ATP9B: variants seen among roughly 807,000 people sequenced by gnomAD.
The protein encoded by ATP9B is ATPase phospholipid transporting 9B.
ATP9B carries 110 observed loss-of-function variants against 146.1 expected under a neutral mutation model. The ratio of observed to expected loss-of-function variants is 0.75; its 90% confidence interval spans 0.65 to 0.88. ATP9B has a LOEUF of 0.88. Ranked by LOEUF, ATP9B falls within the 40% of genes least tolerant of loss-of-function variation. The pLI, the probability that ATP9B is intolerant of heterozygous loss-of-function variation, is 0.00. For missense variants in ATP9B, 1,499 were observed against 1,496.4 expected (o/e 1.00, Z -0.03); for synonymous variants, 604 against 569.7 (o/e 1.06, Z -0.86).
At chr18:79,268,040 A>C (rs1390773890) in intron 12 of ATP9B, among the ~76,000 whole-genome samples, 1 of 152,130 alleles carries the variant, frequency 6.6e-6, no homozygotes, top group Admixed American at 6.5e-5. Context: ...GATGCATACA[A>C]ATTTAAATTG....
intron 13 of ATP9B, among the ~76,000 whole-genome samples, chr18:79,280,525 G>A (rs2096365128): frequency 6.6e-6 from 1 of 152,146 alleles, no homozygotes; most frequent in Admixed American, 6.5e-5. Flanking sequence ...ATTGATACAG[G>A]GAGATATTGA....
intron 11 of ATP9B, among the ~76,000 whole-genome samples, chr18:79,236,547 G>T (rs567260758): frequency 6.6e-6 from 1 of 152,128 alleles, no homozygotes; most frequent in African/African-American, 2.4e-5. Flanking sequence ...GTCTTCTGAA[G>T]TTTTATTGTT....
At position 79,359,432 on chromosome 18, in the gene ATP9B, C is replaced by G. The variant is rs374540386; in HGVS notation, c.2982C>G (p.Leu994=). 1 of 1,613,904 alleles carries G rather than the reference C, an allele frequency of 6.2e-7. No homozygotes were observed. The highest frequency in any genetic ancestry group is 8.5e-7 in the Non-Finnish European group (1 of 1,179,922). The change falls in exon 26 of 30, where the codon CTC becomes CTG. Residue 994 remains leucine (L), a synonymous_variant. Transcript: ENST00000426216. ...ACGTGAAGCCAGAGATGGCGATGCTCTACCCGGAGCTGTACAAGGACCTCA... is the reference window on the plus strand; with the variant it reads ...ACGTGAAGCCAGAGATGGCGATGCTGTACCCGGAGCTGTACAAGGACCTCA... ...DQDVKPEMAM[L]YPELYKDLTK... is the part of the protein sequence containing the mutation.
intron 11 of ATP9B, among the ~76,000 whole-genome samples, chr18:79,245,056 A>T (rs1051653782): frequency 1.3e-5 from 2 of 152,174 alleles, no homozygotes; most frequent in Non-Finnish European, 2.9e-5. Context: ...AGGGACCCTG[A>T]GGTCCAGTGA....
intron 17 of ATP9B, among the ~76,000 whole-genome samples, chr18:79,330,905 A>G (rs2096786767): frequency 6.6e-6 from 1 of 152,254 alleles, no homozygotes; most frequent in African/African-American, 2.4e-5. Flanking sequence ...CTTTTGTAAC[A>G]TAAATATTTG....
intron 8 of ATP9B, among the ~76,000 whole-genome samples, chr18:79,192,735 T>A (rs1234547182): frequency 6.6e-6 from 1 of 152,222 alleles, no homozygotes; most frequent in Non-Finnish European, 1.5e-5. Flanking sequence ...CACCCTTAGC[T>A]TATAGTGACC....
chr18:79,206,800 GTC>G, intron 9 of ATP9B, 135 bp from the exon 10 acceptor site: 4 of 655,974 alleles, frequency 6.1e-6, no homozygotes, highest in Non-Finnish European at 7.5e-6. Context: ...TTTTTCTAAC[GTC>G]TGTTTTGCAG....
At chr18:79,176,770 G>A (rs1456177476) in intron 7 of ATP9B, 43 bp from the exon 8 acceptor site, 2 of 1,551,426 alleles carry the variant, frequency 1.3e-6, no homozygotes, top group Non-Finnish European at 1.8e-6. Flanking sequence ...AAAACCTTCT[G>A]TAACAATTCA....
intron 9 of ATP9B, among the ~76,000 whole-genome samples, chr18:79,197,815 G>GA (rs1193794874): frequency 6.6e-6 from 1 of 152,164 alleles, no homozygotes; most frequent in African/African-American, 2.4e-5. Flanking sequence ...CAGTTAAAAG[G>GA]CAGAGACTGT....
intron 25 of ATP9B, 53 bp downstream of exon 25, chr18:79,348,249 A>G (rs10554572): frequency 0.17 from 3,196 of 18,554 alleles, 68 homozygotes; most frequent in African/African-American, 0.35. Context: ...TTCTATTTTG[A>G]AAAAAAAAAA....
chr18:79,287,530 G>A (rs1354665681), intron 13 of ATP9B, among the ~76,000 whole-genome samples: 1 of 151,934 alleles, frequency 6.6e-6, no homozygotes, highest in Non-Finnish European at 1.5e-5. Context: ...AGTCTTGCTA[G>A]CGGTCTATCA....
chr18:79,236,693 C>T (rs2095844226), intron 11 of ATP9B, among the ~76,000 whole-genome samples: 1 of 152,156 alleles, frequency 6.6e-6, no homozygotes, highest in Non-Finnish European at 1.5e-5. Context: ...GCCCCTTCCC[C>T]ACTGTGTGCA....
At chr18:79,309,878 T>C (rs1179506268) in intron 15 of ATP9B, among the ~76,000 whole-genome samples, 2 of 152,156 alleles carry the variant, frequency 1.3e-5, no homozygotes, top group African/African-American at 4.8e-5. Flanking sequence ...TCCATGACTA[T>C]TGAATGAGTA....
chr18:79,341,544 T>A (rs2096859060), intron 19 of ATP9B, among the ~76,000 whole-genome samples: 1 of 144,420 alleles, frequency 6.9e-6, no homozygotes, highest in Non-Finnish European at 1.5e-5. Context: ...GACACACCAT[T>A]TAGTTGTGGT....
intron 11 of ATP9B, among the ~76,000 whole-genome samples, chr18:79,249,642 C>A (rs1011584933): frequency 8.5e-5 from 13 of 152,110 alleles, no homozygotes; most frequent in Non-Finnish European, 1.8e-4. Context: ...AAAGTTACCA[C>A]CTTCTTTATA....
rs529226163 is a variant in ATP9B, at chr18:79,193,512, T to C, written c.954+249T>C. Among the ~76,000 whole-genome samples the C allele has an allele frequency of 1.2e-4, 18 of 152,340 alleles. No homozygotes were observed. In the East Asian group the frequency reaches 3.3e-3, roughly 28 times the overall value. On this transcript the variant is annotated intron_variant, in intron 9 of 29. Transcript: ENST00000426216. ...AAGATCTTTATCTCCTAAAATATTG[T>C]GAATCAGTTAAATGAAGTAATTTAT...
chr18:79,339,625 AGT>A (rs1159639930), intron 19 of ATP9B, among the ~76,000 whole-genome samples: 1 of 150,776 alleles, frequency 6.6e-6, no homozygotes, highest in Non-Finnish European at 1.5e-5. Context: ...CGCAATAGGA[AGT>A]GTGTCAGGAG....
chr18:79,257,927 G>C lies in ATP9B; in HGVS notation c.1268+4386G>C, dbSNP rs150784109. On this transcript the variant is annotated intron_variant, in intron 12 of 29. Coordinates refer to ENST00000426216, the MANE Select transcript of ATP9B (RefSeq NM_198531.5). Reference sequence around the variant, plus strand: ...TTCCTTTTGTATCTAGGGCACCTCTGTCTTTAACTGACAGCATTGAAGAGT... The same window carrying C: ...TTCCTTTTGTATCTAGGGCACCTCTCTCTTTAACTGACAGCATTGAAGAGT... 6.4e-3 allele frequency among the ~76,000 whole-genome samples: 980 copies of C among 152,238 alleles called. 5 individuals carry two copies. The highest frequency in any genetic ancestry group is 0.022 in the African/African-American group (915 of 41,528).
chr18:79,069,442 G>T lies in ATP9B; in HGVS notation c.32G>T (p.Arg11Leu). 1 of 1,519,158 alleles carries T rather than the reference G, an allele frequency of 6.6e-7. No homozygotes were observed. The highest frequency in any genetic ancestry group is 8.8e-7 in the Non-Finnish European group (1 of 1,137,190). 94.1% of individuals were successfully genotyped at this position (1,519,158 alleles called of 1,614,324 possible). Reference protein sequence around the residue: MADQIPLYPVRSAAAAAANRK... With the variant: MADQIPLYPVLSAAAAAANRK... ...GACCAGATCCCGCTTTACCCGGTGCGTAGCGCAGCGGCGGCCGCAGCCAAC... is the reference window on the plus strand; with the variant it reads ...GACCAGATCCCGCTTTACCCGGTGCTTAGCGCAGCGGCGGCCGCAGCCAAC... The change falls in exon 1 of 30, where the codon CGT (arginine) becomes CTT (leucine). Residue 11 changes from arginine to leucine, a missense_variant. Transcript: ENST00000426216.
Sources: allele counts gnomAD v4.1 joint callset (sites outside exome capture counted in the v4.1 genomes callset), GRCh38; gene constraint gnomAD v4.1.1; transcripts MANE v1.5; gene names NCBI Gene and HGNC (gene_info 2026-07-23, HGNC 2026-07-21).